RGS14: variants seen among roughly 807,000 people sequenced by gnomAD.
The protein encoded by RGS14 is regulator of G-protein signaling 14.
In RGS14, 33 loss-of-function variants were observed where a neutral mutation model predicts 63.8. That is an observed-to-expected ratio of 0.52 (90% CI 0.39 to 0.69). The LOEUF is 0.69. RGS14 is among the 30% of genes least tolerant of loss of function. The pLI, the probability that RGS14 is intolerant of heterozygous loss-of-function variation, is 0.00. For missense variants in RGS14, 739 were observed against 742.9 expected (o/e 0.99, Z 0.06); for synonymous variants, 296 against 320.9 (o/e 0.92, Z 0.83).
In RGS14 at chr5:177,371,605, G is replaced by T; in HGVS notation, c.1498+16G>T. 6.2e-7 allele frequency: 1 copy of T among 1,609,176 alleles called. No individual in the cohort carries two copies. Among genetic ancestry groups the T allele is most frequent in the Non-Finnish European group, 8.5e-7 (1 of 1,175,480 alleles). On this transcript the variant is annotated intron_variant, in intron 14 of 14. Transcript: ENST00000408923. This position sits in a 1 kb window ranked among gnomAD's most constrained non-coding sequence, Gnocchi z 6.1. ...GACATCGAAGGTACATGGTGGATGA[G>T]CTGGGGATCAGAAAGACTAGGGCAG...
chr5:177,367,626 C>T, intron 6 of RGS14, 69 bp downstream of exon 6: 3 of 1,581,448 alleles, frequency 1.9e-6, no homozygotes, highest in East Asian at 4.6e-5. Flanking sequence ...GAGGGGACGC[C>T]TCCGGGTGCA....
chr5:177,363,470 T>G (rs1762019675), intron 1 of RGS14, among the ~76,000 whole-genome samples: 1 of 152,112 alleles, frequency 6.6e-6, no homozygotes, highest in Non-Finnish European at 1.5e-5. Context: ...CTGGAAAAAG[T>G]CAGGGCTGGG....
At chr5:177,370,520 G>C in intron 9 of RGS14, 71 bp from the exon 10 acceptor site, 1 of 1,403,822 alleles carries the variant, frequency 7.1e-7, no homozygotes, top group African/African-American at 1.4e-5. Context: ...GCGTGAAGTT[G>C]TTCTCAGACC....
Position 177,358,215 on chromosome 5 carries a change from A to G in RGS14, c.45+146A>G, listed in dbSNP as rs747952642. 1.7e-5 allele frequency: 10 copies of G among 605,782 alleles called. No individual in the cohort carries two copies. The highest frequency in any genetic ancestry group is 3.5e-5 in the East Asian group (1 of 28,874). 37.5% of individuals were successfully genotyped at this position (605,782 alleles called of 1,614,324 possible). ...TTGGGTACAGACAGCAGCAGGTGGT[A>G]GGACCTGGTGCTCTCACCCCTAGAC... On this transcript the variant is annotated intron_variant, in intron 1 of 14. Coordinates refer to ENST00000408923, the MANE Select transcript of RGS14 (RefSeq NM_006480.5). This position sits in a 1 kb window ranked among gnomAD's most constrained non-coding sequence, Gnocchi z 4.8.
Position 177,358,090 on chromosome 5 carries a change from AG to A in RGS14, c.45+24del. On this transcript the variant is annotated intron_variant, in intron 1 of 14. Transcript: ENST00000408923. The surrounding 1 kb of genome is among the most constrained non-coding windows in gnomAD (Gnocchi z 4.8). ...GCATGGTGAGTGTGGGCTCCGGGCC[AG>A]GGCCACGAGGAGGGGGTGGGCACAC... is the stretch of plus-strand genomic sequence containing the variant. The A allele has an allele frequency of 7.5e-7, 1 of 1,329,932 alleles. No individual in the cohort carries two copies. Among genetic ancestry groups the A allele is most frequent in the South Asian group, 2.1e-5 (1 of 47,520 alleles). 82.4% of individuals were successfully genotyped at this position (1,329,932 alleles called of 1,614,324 possible).
In RGS14 at chr5:177,371,975, C is replaced by G. The variant is rs1351702640; in HGVS notation, c.1601C>G (p.Pro534Arg). Residue 534 changes from proline to arginine, a missense_variant, in exon 15 of 15, where the codon CCC becomes CGC. Physicochemically the swap from Pro to Arg is moderately radical, Grantham distance 103. Transcript: ENST00000408923. This position sits in a 1 kb window ranked among gnomAD's most constrained non-coding sequence, Gnocchi z 6.1. The part of the protein sequence containing the change: ...DLVLPEFLQL[P>R]AQGPSSEETP... ...GTACTTCCAGAATTTCTGCAGCTGC[C>G]CGCCCAAGGGCCCAGCTCCGAGGAG... is the stretch of plus-strand genomic sequence containing the variant. 1 of 1,614,158 alleles carries G rather than the reference C, an allele frequency of 6.2e-7. No individual in the cohort carries two copies. Among genetic ancestry groups the G allele is most frequent in the African/African-American group, 1.3e-5 (1 of 75,054 alleles).
intron 7 of RGS14, 37 bp from the exon 8 acceptor site, chr5:177,368,120 G>A (rs778420400): frequency 3.7e-6 from 6 of 1,602,052 alleles, no homozygotes; most frequent in Middle Eastern, 1.7e-4. Flanking sequence ...GGGTGAGGGC[G>A]GGGGGCTGTT....
chr5:177,365,926 T>G (rs1182841970), intron 1 of RGS14, 37 bp from the exon 2 acceptor site: 6 of 1,612,038 alleles, frequency 3.7e-6, no homozygotes, highest in Non-Finnish European at 5.1e-6. Flanking sequence ...GAATCCTCAC[T>G]GGGCTCTTCT....
chr5:177,370,960 C>A lies in RGS14; in HGVS notation c.1183C>A (p.Arg395=). The stretch of plus-strand genomic sequence containing the variant: ...ACGAATCTCAGCCAAGCCCACCAAG[C>A]GGCTGCAGGAGGCGCTGCAGCCCAT... ...VVRISAKPTK[R]LQEALQPILE... Residue 395 remains arginine (R), a synonymous_variant, in exon 11 of 15, where the codon CGG becomes AGG. Transcript: ENST00000408923. The A allele has an allele frequency of 6.2e-7, 1 of 1,607,974 alleles. No individual in the cohort carries two copies. Among genetic ancestry groups the A allele is most frequent in the Non-Finnish European group, 8.5e-7 (1 of 1,179,554 alleles).
chr5:177,368,705 G>A lies in RGS14; in HGVS notation c.850-12G>A. On this transcript the variant is annotated splice_polypyrimidine_tract_variant and intron_variant, in intron 8 of 14. Coordinates refer to ENST00000408923, the MANE Select transcript of RGS14 (RefSeq NM_006480.5). Reference sequence around the variant, plus strand: ...TGTACACATAATCTCCCCCACTCCTGCCATGAATCAGAGCCACCGGAAGAG... The same window carrying A: ...TGTACACATAATCTCCCCCACTCCTACCATGAATCAGAGCCACCGGAAGAG... 6.2e-7 allele frequency: 1 copy of A among 1,613,728 alleles called. No individual in the cohort carries two copies. Among genetic ancestry groups the A allele is most frequent in the Non-Finnish European group, 8.5e-7 (1 of 1,179,916 alleles).
Position 177,368,906 on chromosome 5 carries a change from G to A in RGS14, c.1039G>A (p.Val347Met). The A allele has an allele frequency of 6.2e-7, 1 of 1,614,148 alleles. No homozygotes were observed. The highest frequency in any genetic ancestry group is 8.5e-7 in the Non-Finnish European group (1 of 1,180,000). ...TCTACCTGACATCAAGGTCTACCTG[G>A]TGGGCAATGAACAGGTGGGAACGTG... Reference protein sequence around the residue: ...LSLPDIKVYLVGNEQALVLDQ... With the variant: ...LSLPDIKVYLMGNEQALVLDQ... Residue 347 changes from valine (V) to methionine (M), a missense_variant, in exon 9 of 15, where the codon GTG (valine) becomes ATG (methionine). Val to Met is a conservative substitution (Grantham distance 21). Transcript: ENST00000408923.
chr5:177,366,313 C>T lies in RGS14; in HGVS notation c.204C>T (p.Phe68=), dbSNP rs756602706. ...CTGTGGCCAGCTGGGCCCTGTCCTT[C>T]GAGCGGCTGTTGCAGGACCCGCTGG... ...EQPVASWALS[F]ERLLQDPLGL... is the part of the protein sequence containing the mutation. The change falls in exon 3 of 15, where the codon TTC becomes TTT. Residue 68 remains phenylalanine (F), a synonymous_variant. Coordinates refer to ENST00000408923, the MANE Select transcript of RGS14 (RefSeq NM_006480.5). 247 of 1,554,196 alleles carry T rather than the reference C, an allele frequency of 1.6e-4. No homozygotes were observed. Among genetic ancestry groups the T allele is most frequent in the South Asian group, 2.6e-4 (22 of 84,486 alleles).
Position 177,358,019 on chromosome 5 carries a change from A to G in RGS14, c.-6A>G. On this transcript the variant is annotated 5_prime_UTR_variant, in exon 1 of 15. Transcript: ENST00000408923. This position sits in a 1 kb window ranked among gnomAD's most constrained non-coding sequence, Gnocchi z 4.8. Reference sequence around the variant, plus strand: ...CCCGCGGCGGGGACCCCTGATCGGCAGCGGCATGCCAGGGAAGCCCAAGCA... The same window carrying G: ...CCCGCGGCGGGGACCCCTGATCGGCGGCGGCATGCCAGGGAAGCCCAAGCA... 7.4e-7 allele frequency: 1 copy of G among 1,359,476 alleles called. No individual in the cohort carries two copies. The highest frequency in any genetic ancestry group is 2.3e-4 in the Middle Eastern group (1 of 4,272). 84.2% of individuals were successfully genotyped at this position (1,359,476 alleles called of 1,614,324 possible).
At position 177,370,893 on chromosome 5, in the gene RGS14, G is replaced by T; in HGVS notation, c.1128-12G>T. On this transcript the variant is annotated splice_polypyrimidine_tract_variant and intron_variant, in intron 10 of 14. Coordinates refer to ENST00000408923, the MANE Select transcript of RGS14 (RefSeq NM_006480.5). ...GCCCTCCGGCCCTCTGCTGCCCGAG[G>T]GTTCCTCGCAGGCTGGAGCTGACGG... is the stretch of plus-strand genomic sequence containing the variant. 6.2e-7 allele frequency: 1 copy of T among 1,600,436 alleles called. No homozygotes were observed. The highest frequency in any genetic ancestry group is 1.1e-5 in the South Asian group (1 of 90,464).
At chr5:177,367,378 C>T (rs1200432366) in intron 5 of RGS14, 36 bp from the exon 6 acceptor site, 3 of 1,561,136 alleles carry the variant, frequency 1.9e-6, no homozygotes, top group Admixed American at 1.8e-5. Context: ...GCCCCCACCC[C>T]AGCCCCGGCT....
At chr5:177,369,912 G>A (rs1464592384) in intron 9 of RGS14, among the ~76,000 whole-genome samples, 1 of 152,226 alleles carries the variant, frequency 6.6e-6, no homozygotes, top group Non-Finnish European at 1.5e-5. Flanking sequence ...CCTACTGCCT[G>A]GGAGATGCTG....
Position 177,370,623 on chromosome 5 carries a change from G to A in RGS14, c.1086G>A (p.Leu362=), listed in dbSNP as rs1467343798. 6.2e-7 allele frequency: 1 copy of A among 1,613,996 alleles called. No individual in the cohort carries two copies. Among genetic ancestry groups the A allele is most frequent in the Non-Finnish European group, 8.5e-7 (1 of 1,180,004 alleles). ...ALVLDQDCTV[L]ADQEVRLENR... The stretch of plus-strand genomic sequence containing the variant: ...TCCTGGATCAGGACTGCACCGTGCT[G>A]GCGGATCAGGAAGTGCGGCTGGAAA... Residue 362 remains leucine (L), a synonymous_variant, in exon 10 of 15, where the codon CTG becomes CTA. Coordinates refer to ENST00000408923, the MANE Select transcript of RGS14 (RefSeq NM_006480.5).
rs1762156113 is a variant in RGS14, at chr5:177,368,274, G to A, written c.849+8G>A. ...GTCAGCAGCAAATCTGAGGTGAGCC[G>A]ACTGTTGGGGAAGACAAGATGCTCT... is the stretch of plus-strand genomic sequence containing the variant. On this transcript the variant is annotated splice_region_variant and intron_variant, in intron 8 of 14. Transcript: ENST00000408923. The A allele has an allele frequency of 3.1e-6, 5 of 1,605,574 alleles. No individual in the cohort carries two copies. Among genetic ancestry groups the A allele is most frequent in the Non-Finnish European group, 3.4e-6 (4 of 1,174,580 alleles).
At chr5:177,368,662 T>C in intron 8 of RGS14, 55 bp from the exon 9 acceptor site, 1 of 1,568,550 alleles carries the variant, frequency 6.4e-7, no homozygotes, top group South Asian at 1.1e-5. Flanking sequence ...TGTGTACCTG[T>C]GTGCATGCCC....
Sources: gnomAD v4.1 joint callset for allele counts (sites outside exome capture counted in the v4.1 genomes callset) on GRCh38, gnomAD v4.1.1 for gene constraint, Gnocchi (gnomAD v3.1) non-coding constraint, MANE v1.5 for transcripts, NCBI Gene and HGNC (gene_info 2026-07-23, HGNC 2026-07-21) for gene names.